TEP1: variants seen among roughly 807,000 people sequenced by gnomAD.
The protein encoded by TEP1 is telomerase protein component 1.
A neutral mutation model predicts 306.3 loss-of-function variants in TEP1; 241 were observed. That is an observed-to-expected ratio of 0.79 (90% CI 0.71 to 0.88). The LOEUF (loss-of-function observed/expected upper bound fraction) is 0.88, where lower values mean the gene tolerates loss of function less well. TEP1 is among the 40% of genes least tolerant of loss of function. The pLI is 0.00. For synonymous variants in TEP1, 1,289 were observed against 1,305.5 expected, an observed-to-expected ratio of 0.99 and a Z score of 0.27; for missense variants, 3,051 against 3,276.1, an observed-to-expected ratio of 0.93 and a Z score of 1.68.
chr14:20,378,441 G>T lies in TEP1; in HGVS notation c.5447C>A (p.Ala1816Asp). 6.2e-7 allele frequency: 1 copy of T among 1,614,246 alleles called. No individual in the cohort carries two copies. ...VAFHPEGQVI[A>D]TGSWAGSISF... The stretch of plus-strand genomic sequence containing the variant: ...GATGCTGCCAGCCCAGCTGCCTGTG[G>T]CTATTACCTGCCCCTCTGGGTGGAA... Residue 1816 changes from alanine to aspartate, a missense_variant, in exon 38 of 55, where the codon GCC (alanine) becomes GAC (aspartate). By Grantham distance (126) the Ala-to-Asp change is moderately radical (BLOSUM62 -2). Transcript: ENST00000262715.
Position 20,396,623 on chromosome 14 carries a change from C to T in TEP1, c.1657G>A (p.Ala553Thr). 1 of 1,606,262 alleles carries T rather than the reference C, an allele frequency of 6.2e-7. No homozygotes were observed. The highest frequency in any genetic ancestry group is 8.5e-7 in the Non-Finnish European group (1 of 1,173,556). Reference sequence around the variant, plus strand: ...GGCTACCAGCCCCTCACACATACCGCATGCTGGAGTCTCTGGAGAATGAGC... The same window carrying T: ...GGCTACCAGCCCCTCACACATACCGTATGCTGGAGTCTCTGGAGAATGAGC... ...HELILQRLQH[A>T]KSVIHSRQFP... is the part of the protein sequence containing the mutation. The change falls in exon 10 of 55, where the codon GCG (alanine) becomes ACG (threonine). Residue 553 changes from alanine (A) to threonine (T), a missense_variant and splice_region_variant. Ala to Thr is a moderately conservative substitution (Grantham distance 58). Transcript: ENST00000262715.
chr14:20,386,016 C>G (rs1373118542), intron 20 of TEP1, 59 bp downstream of exon 20: 10 of 1,528,572 alleles, frequency 6.5e-6, no homozygotes, highest in African/African-American at 1.4e-5. Context: ...TGGCTTCTCC[C>G]AGCCTCTGCC....
At chr14:20,382,392 T>A (rs759978070) in intron 28 of TEP1, 36 bp from the exon 29 acceptor site, 1 of 1,578,626 alleles carries the variant, frequency 6.3e-7, no homozygotes, top group Non-Finnish European at 8.6e-7. Flanking sequence ...TTCAGTGCAG[T>A]GGGAGGAGAA....
chr14:20,369,508 C>T lies in TEP1; in HGVS notation c.7492G>A (p.Glu2498Lys), dbSNP rs753991800. ...TGCCACATGTTACCTGTGGTCCATT[C>T]TCCTTCTGGGCTGCATTTGGCCAGG... The part of the protein sequence containing the change: ...WNLAKCSPEG[E>K]WTTGNMWQKK... The change falls in exon 53 of 55, where the codon GAA (glutamate) becomes AAA (lysine). Residue 2498 changes from glutamate (E) to lysine (K), a missense_variant. Physicochemically the swap from Glu to Lys is moderately conservative, Grantham distance 56. Transcript: ENST00000262715. 9.3e-6 allele frequency: 15 copies of T among 1,614,154 alleles called. No homozygotes were observed. In the Admixed American group the frequency reaches 2.5e-4, roughly 27 times the overall value.
chr14:20,380,316 G>C lies in TEP1; in HGVS notation c.4922C>G (p.Ala1641Gly). The change falls in exon 34 of 55, where the codon GCC becomes GGC. Residue 1641 changes from alanine to glycine, a missense_variant. Ala to Gly is a moderately conservative substitution (Grantham distance 60). Coordinates refer to ENST00000262715, the MANE Select transcript of TEP1 (RefSeq NM_007110.5). ...GTGCCATCTCCGGGAGAGCAGCGAGGCTTGGTGGCAAAGAGGTGAGTCCAG... is the reference window on the plus strand; with the variant it reads ...GTGCCATCTCCGGGAGAGCAGCGAGCCTTGGTGGCAAAGAGGTGAGTCCAG... Reference protein sequence around the residue: ...QPLDSPLCHQASLLSRRWHLQ... With the variant: ...QPLDSPLCHQGSLLSRRWHLQ... 6.2e-7 allele frequency: 1 copy of C among 1,614,150 alleles called. No individual in the cohort carries two copies. Among genetic ancestry groups the C allele is most frequent in the African/African-American group, 1.3e-5 (1 of 75,024 alleles).
intron 36 of TEP1, 58 bp downstream of exon 36, chr14:20,378,923 G>C: frequency 6.2e-7 from 1 of 1,613,696 alleles, no homozygotes; most frequent in East Asian, 2.2e-5. Context: ...CCTTCTCCTG[G>C]GGCTTCCAAA....
In TEP1 at chr14:20,408,428, G is replaced by A. The variant is rs753353523; in HGVS notation, c.12C>T (p.Leu4=). The A allele has an allele frequency of 6.8e-6, 11 of 1,612,492 alleles. No individual in the cohort carries two copies. The highest frequency in any genetic ancestry group is 9.3e-6 in the Non-Finnish European group (11 of 1,179,714). MEK[L]HGHVSAHPDI... ...CTGGATGGGCAGACACATGCCCATGGAGTTTTTCCATGGCTGAAACTCAGC... is the reference window on the plus strand; with the variant it reads ...CTGGATGGGCAGACACATGCCCATGAAGTTTTTCCATGGCTGAAACTCAGC... The change falls in exon 2 of 55, where the codon CTC becomes CTT. Residue 4 remains leucine, a synonymous_variant. Coordinates refer to ENST00000262715, the MANE Select transcript of TEP1 (RefSeq NM_007110.5).
rs1234700289 is a variant in TEP1 at position 20,378,446 on chromosome 14, T to C, written c.5442A>G (p.Val1814=). The change falls in exon 38 of 55, where the codon GTA becomes GTG. Residue 1814 remains valine (V), a synonymous_variant. Transcript: ENST00000262715. The part of the protein sequence containing the change: ...NCVAFHPEGQ[V]IATGSWAGSI... ...TGCCAGCCCAGCTGCCTGTGGCTATTACCTGCCCCTCTGGGTGGAAGGCAA... is the reference window on the plus strand; with the variant it reads ...TGCCAGCCCAGCTGCCTGTGGCTATCACCTGCCCCTCTGGGTGGAAGGCAA... The C allele has an allele frequency of 1.2e-6, 2 of 1,614,218 alleles. No individual in the cohort carries two copies. Among genetic ancestry groups the C allele is most frequent in the Non-Finnish European group, 1.7e-6 (2 of 1,180,044 alleles).
Position 20,390,941 on chromosome 14 carries a change from G to C in TEP1, c.2253C>G (p.Val751=), listed in dbSNP as rs780438589. ...TGGTGGGTGTTGAGTGTCTGACCTGGACTTGAGCCTGGAGCTTGATGGCAG... is the reference window on the plus strand; with the variant it reads ...TGGTGGGTGTTGAGTGTCTGACCTGCACTTGAGCCTGGAGCTTGATGGCAG... ...LKTAIKLQAQ[V]QEFDENDGWS... Residue 751 remains valine, a synonymous_variant, in exon 14 of 55, where the codon GTC becomes GTG. Transcript: ENST00000262715. 7 of 1,614,046 alleles carry C rather than the reference G, an allele frequency of 4.3e-6. No homozygotes were observed. The South Asian group carries it at 7.7e-5, about 18-fold the overall frequency.
intron 41 of TEP1, 99 bp from the exon 42 acceptor site, chr14:20,376,363 A>G (rs560330692): frequency 1.6e-6 from 2 of 1,269,780 alleles, no homozygotes; most frequent in Middle Eastern, 2.0e-4. Flanking sequence ...GCTGAGGGTG[A>G]CACCTGAGGC....
At chr14:20,390,880 C>A in intron 14 of TEP1, 58 bp downstream of exon 14, 2 of 1,611,478 alleles carry the variant, frequency 1.2e-6, no homozygotes, top group South Asian at 2.2e-5. Flanking sequence ...AATATCTGGG[C>A]TATTCCCAGG....
chr14:20,406,257 A>C lies in TEP1; in HGVS notation c.711T>G (p.Thr237=), dbSNP rs769063052. The C allele has an allele frequency of 6.2e-7, 1 of 1,614,088 alleles. No individual in the cohort carries two copies. The change falls in exon 3 of 55, where the codon ACT becomes ACG. Residue 237 remains threonine (T), a synonymous_variant. Coordinates refer to ENST00000262715, the MANE Select transcript of TEP1 (RefSeq NM_007110.5). ...CCTTCTTTTCCTGAAGGACATGGTCAGTAGGCTCTGGATGAGATTCAGAGT... is the reference window on the plus strand; with the variant it reads ...CCTTCTTTTCCTGAAGGACATGGTCCGTAGGCTCTGGATGAGATTCAGAGT... ...SGDSESHPEP[T]DHVLQEKKMA...
chr14:20,389,649 C>G lies in TEP1; in HGVS notation c.2426G>C (p.Cys809Ser). ...TCTTAGGAGGATACCAACAAAGAGGCACTTGGAATTCACACGCTGCCAGTA... is the reference window on the plus strand; with the variant it reads ...TCTTAGGAGGATACCAACAAAGAGGGACTTGGAATTCACACGCTGCCAGTA... ...QLYWQRVNSK[C>S]LFVGILLRRV... Residue 809 changes from cysteine to serine, a missense_variant, in exon 16 of 55, where the codon TGC becomes TCC. Physicochemically the swap from Cys to Ser is moderately radical, Grantham distance 112. Coordinates refer to ENST00000262715, the MANE Select transcript of TEP1 (RefSeq NM_007110.5). 2 of 1,614,242 alleles carry G rather than the reference C, an allele frequency of 1.2e-6. No individual in the cohort carries two copies. Among genetic ancestry groups the G allele is most frequent in the Non-Finnish European group, 1.7e-6 (2 of 1,180,048 alleles).
At chr14:20,396,145 A>G (rs1322690419) in intron 10 of TEP1, among the ~76,000 whole-genome samples, 196 bp from the exon 11 acceptor site, 1 of 152,174 alleles carries the variant, frequency 6.6e-6, no homozygotes, top group Non-Finnish European at 1.5e-5. Flanking sequence ...AAAAGAAGAG[A>G]AAGTAACAGA....
intron 1 of TEP1, 150 bp downstream of exon 1, chr14:20,413,255 A>C (rs1217868800): frequency 6.6e-6 from 1 of 152,124 alleles, no homozygotes; most frequent in Admixed American, 6.6e-5. Flanking sequence ...CCCCTAGCTG[A>C]GTCTCGGGTG....
intron 17 of TEP1, 141 bp downstream of exon 17, chr14:20,389,097 A>G: frequency 2.7e-6 from 2 of 737,888 alleles, no homozygotes; most frequent in Non-Finnish European, 4.5e-6. Flanking sequence ...GCAGTGAGCC[A>G]AGATTGTGCC....
Position 20,378,404 on chromosome 14 carries a change from C to A in TEP1, c.5484G>T (p.Gln1828His), listed in dbSNP as rs753799725. 6.2e-7 allele frequency: 1 copy of A among 1,614,130 alleles called. No homozygotes were observed. The highest frequency in any genetic ancestry group is 8.5e-7 in the Non-Finnish European group (1 of 1,180,060). ...CCTTGGTGACTTTGAGCCCATCCAC[C>A]TGGAAGAAGCTGATGCTGCCAGCCC... Reference protein sequence around the residue: ...GSWAGSISFFQVDGLKVTKDL... With the variant: ...GSWAGSISFFHVDGLKVTKDL... Residue 1828 changes from glutamine (Q) to histidine (H), a missense_variant, in exon 38 of 55, where the codon CAG becomes CAT. Transcript: ENST00000262715.
In TEP1 at chr14:20,371,578, A is replaced by G. The variant is rs763513216; in HGVS notation, c.7131T>C (p.Asp2377=). ...QEDLGVLTSL[D]WAPDGHFLIL... The stretch of plus-strand genomic sequence containing the variant: ...TGAGAAAGTGACCATCAGGAGCCCA[A>G]TCCAGACTTGTCAGCACCCCTAAGT... Residue 2377 remains aspartate, a synonymous_variant, in exon 50 of 55, where the codon GAT becomes GAC. Transcript: ENST00000262715. The G allele has an allele frequency of 1.2e-6, 2 of 1,603,480 alleles. No individual in the cohort carries two copies. The highest frequency in any genetic ancestry group is 1.7e-6 in the Non-Finnish European group (2 of 1,177,828).
intron 49 of TEP1, among the ~76,000 whole-genome samples, chr14:20,371,897 A>C (rs145504517): frequency 6.6e-6 from 1 of 152,222 alleles, no homozygotes; most frequent in African/African-American, 2.4e-5. Flanking sequence ...AGGCCTGTGG[A>C]TGCAACACAT....
Sources: allele counts gnomAD v4.1 joint callset (sites outside exome capture counted in the v4.1 genomes callset), GRCh38; gene constraint gnomAD v4.1.1; transcripts MANE v1.5; gene names NCBI Gene and HGNC (gene_info 2026-07-23, HGNC 2026-07-21).